PLEKHA3: variants seen among roughly 807,000 people sequenced by gnomAD.
PLEKHA3 encodes pleckstrin homology domain-containing family A member 3.
PLEKHA3 carries 19 observed loss-of-function variants against 39.2 expected under a neutral mutation model. That is an observed-to-expected ratio of 0.48 (90% CI 0.34 to 0.71). The LOEUF (loss-of-function observed/expected upper bound fraction) is 0.71, where lower values mean the gene tolerates loss of function less well. Ranked by LOEUF, PLEKHA3 falls within the 30% of genes least tolerant of loss-of-function variation. PLEKHA3 has a pLI of 0.01. For synonymous variants in PLEKHA3, 97 were observed against 118.6 expected (o/e 0.82, Z 1.18); for missense variants, 253 against 359.5 (o/e 0.70, Z 2.40).
At chr2:178,481,059 C>A in intron 1 of PLEKHA3, 150 bp downstream of exon 1, 1 of 660,506 alleles carries the variant, frequency 1.5e-6, no homozygotes, top group Non-Finnish European at 2.2e-6. Flanking sequence ...TCCTTCTGGC[C>A]TCTTCAGGGG....
At chr2:178,482,445 G>A (rs1192729363) in intron 1 of PLEKHA3, among the ~76,000 whole-genome samples, 3 of 150,492 alleles carry the variant, frequency 2.0e-5, no homozygotes, top group South Asian at 2.1e-4. Flanking sequence ...AGGCGGAGGC[G>A]AAAGGATTGC....
In PLEKHA3 at chr2:178,482,781, C is replaced by A. The variant is rs78573632; in HGVS notation, c.40+1872C>A. On this transcript the variant is annotated intron_variant, in intron 1 of 7. Transcript: ENST00000234453. ...AATCACATGTGATTTAGATTTTAGT[C>A]TTTGCAGGGCATTTAGTCAACTTCT... 4.6e-3 allele frequency among the ~76,000 whole-genome samples: 701 copies of A among 152,204 alleles called. 1 individual carries two copies. Among genetic ancestry groups the A allele is most frequent in the Non-Finnish European group, 6.7e-3 (456 of 68,012 alleles).
At position 178,515,808 on chromosome 2, in the gene PLEKHA3, C is replaced by T. The variant is rs1685754133; in HGVS notation, c.*11921C>T. The T allele has an allele frequency of 6.6e-6, 1 of 151,916 alleles. No individual in the cohort carries two copies. Among genetic ancestry groups the T allele is most frequent in the African/African-American group, 2.4e-5 (1 of 41,392 alleles). The allele number at this position is 151,916 out of a possible 1,614,324, so 9.4% of individuals were successfully genotyped here. A position where few individuals can be genotyped will look rare whatever the true frequency, so the allele number is the denominator to read the frequency against. On this transcript the variant is annotated 3_prime_UTR_variant, in exon 8 of 8. Coordinates refer to ENST00000234453, the MANE Select transcript of PLEKHA3 (RefSeq NM_019091.4). ...GACTATCTTAATTATAATTGGCTTT[C>T]CAAAATTTTCACTTTTTTTCAGTTA...
intron 1 of PLEKHA3, among the ~76,000 whole-genome samples, chr2:178,482,832 AAAG>A (rs1685192563): frequency 1.3e-5 from 2 of 152,200 alleles, no homozygotes; most frequent in South Asian, 4.1e-4. Flanking sequence ...AGCTGGTTGA[AAAG>A]AAATCTTTTG....
chr2:178,495,891 C>T (rs1260989643), intron 5 of PLEKHA3, among the ~76,000 whole-genome samples: 2 of 152,138 alleles, frequency 1.3e-5, no homozygotes, highest in Non-Finnish European at 2.9e-5. Context: ...TGTGCATGGC[C>T]TGCCCACAGG....
In PLEKHA3 at chr2:178,480,796, C is replaced by T. The variant is rs1383353671; in HGVS notation, c.-74C>T. On this transcript the variant is annotated 5_prime_UTR_variant, in exon 1 of 8. Transcript: ENST00000234453. ...GCCCGGGCGGGCCGGGAGGGGCTGC[C>T]CCAGGCCCTGCGCCTACCCCATCAC... The T allele has an allele frequency of 7.9e-7, 1 of 1,265,574 alleles. No individual in the cohort carries two copies. The highest frequency in any genetic ancestry group is 3.2e-5 in the South Asian group (1 of 31,128). 78.4% of individuals were successfully genotyped at this position (1,265,574 alleles called of 1,614,324 possible). A position where few individuals can be genotyped will look rare whatever the true frequency, so the allele number is the denominator to read the frequency against.
At chr2:178,486,143 G>C (rs986220046) in intron 2 of PLEKHA3, among the ~76,000 whole-genome samples, 1 of 152,166 alleles carries the variant, frequency 6.6e-6, no homozygotes, top group African/African-American at 2.4e-5. Flanking sequence ...AGCTCTGTAG[G>C]GTTTTGATAA....
rs34522104 is a variant in PLEKHA3, at chr2:178,494,926, T to C, written c.451-570T>C. On this transcript the variant is annotated intron_variant, in intron 4 of 7. Transcript: ENST00000234453. Reference sequence around the variant, plus strand: ...CTCATCTTTTTTTTTTTTTTTTTTTTCCGGCTCAAAGGAAACTAGGAAAAA... The same window carrying C: ...CTCATCTTTTTTTTTTTTTTTTTTTCCCGGCTCAAAGGAAACTAGGAAAAA... Among the ~76,000 whole-genome samples, 203 of 150,030 alleles carry C rather than the reference T, an allele frequency of 1.4e-3. 1 individual carries two copies. The highest frequency in any genetic ancestry group is 4.8e-3 in the African/African-American group (194 of 40,176).
intron 4 of PLEKHA3, 138 bp from the exon 5 acceptor site, chr2:178,495,358 A>C (rs1049176999): frequency 2.6e-6 from 2 of 767,104 alleles, no homozygotes; most frequent in Non-Finnish European, 4.0e-6. Flanking sequence ...TAATTTTCTA[A>C]GGTACTGTAT....
intron 5 of PLEKHA3, among the ~76,000 whole-genome samples, chr2:178,496,116 G>A (rs1681737411): frequency 6.6e-6 from 1 of 152,182 alleles, no homozygotes; most frequent in Admixed American, 6.5e-5. Flanking sequence ...ATTTGGATCT[G>A]AACCCTCAGA....
At chr2:178,483,149 C>A (rs530042411) in intron 1 of PLEKHA3, among the ~76,000 whole-genome samples, 1 of 152,038 alleles carries the variant, frequency 6.6e-6, no homozygotes, top group East Asian at 1.9e-4. Context: ...GTCCTAGCTA[C>A]TTGGGAGGTT....
chr2:178,499,584 C>T (rs538329416), intron 6 of PLEKHA3, among the ~76,000 whole-genome samples: 2 of 152,232 alleles, frequency 1.3e-5, no homozygotes, highest in African/African-American at 4.8e-5. Flanking sequence ...ACAGTGGCCT[C>T]ATAAGATTAT....
intron 7 of PLEKHA3, among the ~76,000 whole-genome samples, chr2:178,502,997 G>C (rs1217930730): frequency 6.6e-6 from 1 of 151,930 alleles, no homozygotes; most frequent in African/African-American, 2.4e-5. Context: ...TTTTGCAATT[G>C]GCAGTCTTAG....
chr2:178,490,784 T>C lies in PLEKHA3; in HGVS notation c.283T>C (p.Leu95=). The change falls in exon 3 of 8, where the codon TTG becomes CTG. Residue 95 remains leucine, a synonymous_variant. Coordinates refer to ENST00000234453, the MANE Select transcript of PLEKHA3 (RefSeq NM_019091.4). ...CGCTCTGGGGAGCTCCAAAGCATGT[T>C]TGACTGATACAAGGACTAAAAAAGA... The part of the protein sequence containing the change: ...LVALGSSKAC[L]TDTRTKKEKE... 1.9e-6 allele frequency: 3 copies of C among 1,613,912 alleles called. No homozygotes were observed. The highest frequency in any genetic ancestry group is 2.5e-6 in the Non-Finnish European group (3 of 1,179,898).
At chr2:178,502,781 C>G (rs1201125981) in intron 7 of PLEKHA3, among the ~76,000 whole-genome samples, 2 of 150,784 alleles carry the variant, frequency 1.3e-5, no homozygotes, top group African/African-American at 4.9e-5. Context: ...TGGACTGTAA[C>G]AAAACTAGTC....
intron 7 of PLEKHA3, among the ~76,000 whole-genome samples, chr2:178,502,024 C>T (rs748689300): frequency 6.6e-6 from 1 of 151,828 alleles, no homozygotes; most frequent in African/African-American, 2.4e-5. Context: ...GATAGCTAAC[C>T]ATTCTTTGGA....
In PLEKHA3 at chr2:178,514,685, T is replaced by A. The variant is rs1685734931; in HGVS notation, c.*10798T>A. Reference sequence around the variant, plus strand: ...AAAAAGTGCCAATATTCTTTTTTTTTTTTTCTCTAAGAAGTACTAGTTTAG... The same window carrying A: ...AAAAAGTGCCAATATTCTTTTTTTTATTTTCTCTAAGAAGTACTAGTTTAG... On this transcript the variant is annotated 3_prime_UTR_variant, in exon 8 of 8. Transcript: ENST00000234453. 6.6e-6 allele frequency: 1 copy of A among 152,080 alleles called. No individual in the cohort carries two copies. The highest frequency in any genetic ancestry group is 1.5e-5 in the Non-Finnish European group (1 of 67,996). 9.4% of individuals were successfully genotyped at this position (152,080 alleles called of 1,614,324 possible).
intron 2 of PLEKHA3, 53 bp downstream of exon 2, chr2:178,485,810 T>C: frequency 7.6e-7 from 1 of 1,314,712 alleles, no homozygotes; most frequent in East Asian, 2.3e-5. Context: ...TCAAGGGTTC[T>C]TCAGCATACT....
At position 178,510,297 on chromosome 2, in the gene PLEKHA3, A is replaced by G. The variant is rs1685663700; in HGVS notation, c.*6410A>G. The stretch of plus-strand genomic sequence containing the variant: ...TTACTTTAAAAGTTTTAAAAAGAGT[A>G]TAACAATTTTGATGTGCTTTTAAGC... On this transcript the variant is annotated 3_prime_UTR_variant, in exon 8 of 8. Coordinates refer to ENST00000234453, the MANE Select transcript of PLEKHA3 (RefSeq NM_019091.4). The G allele has an allele frequency of 6.5e-6, 1 of 153,762 alleles. No homozygotes were observed. Among genetic ancestry groups the G allele is most frequent in the Admixed American group, 6.5e-5 (1 of 15,280 alleles). The allele number at this position is 153,762 out of a possible 1,614,324, so 9.5% of individuals were successfully genotyped here. A position where few individuals can be genotyped will look rare whatever the true frequency, so the allele number is the denominator to read the frequency against.
Sources: allele counts gnomAD v4.1 joint callset (sites outside exome capture counted in the v4.1 genomes callset), GRCh38; gene constraint gnomAD v4.1.1; transcripts MANE v1.5; gene names NCBI Gene and HGNC (gene_info 2026-07-23, HGNC 2026-07-21).